ZNF521: variants seen among roughly 807,000 people sequenced by gnomAD.
The protein encoded by ZNF521 is LYST-interacting protein 3.
In ZNF521, 14 loss-of-function variants were observed where a neutral mutation model predicts 105.5. The ratio of observed to expected loss-of-function variants is 0.13; its 90% CI spans 0.09 to 0.21. The LOEUF (loss-of-function observed/expected upper bound fraction) is 0.21, where lower values mean the gene tolerates loss of function less well. Ranked by LOEUF, ZNF521 falls within the 10% of genes least tolerant of loss-of-function variation. The pLI is 1.00. For missense variants in ZNF521, 1,233 were observed against 1,629.7 expected (o/e 0.76, Z 4.19); for synonymous variants, 635 against 606.0 (o/e 1.05, Z -0.70).
chr18:25,269,418 C>T (rs928216762), intron 3 of ZNF521, among the ~76,000 whole-genome samples: 16 of 152,172 alleles, frequency 1.1e-4, no homozygotes, highest in African/African-American at 3.9e-4. Context: ...AGGTCTTGAA[C>T]TCAGCTCTAG....
At chr18:25,164,470 A>C (rs1046995563) in intron 5 of ZNF521, among the ~76,000 whole-genome samples, 2 of 152,232 alleles carry the variant, frequency 1.3e-5, no homozygotes, top group African/African-American at 4.8e-5. Flanking sequence ...CATATTTATC[A>C]TGCATTTTGA....
chr18:25,070,544 A>G (rs1238117738), intron 7 of ZNF521, among the ~76,000 whole-genome samples: 4 of 152,222 alleles, frequency 2.6e-5, no homozygotes, highest in Non-Finnish European at 5.9e-5. Flanking sequence ...GCCTGAAAAT[A>G]GATTTTAGAA....
At position 25,267,598 on chromosome 18, in the gene ZNF521, G is replaced by A. The variant is rs576431242; in HGVS notation, c.221-39901C>T. Among the ~76,000 whole-genome samples the A allele has an allele frequency of 7.9e-5, 12 of 152,302 alleles. No homozygotes were observed. The South Asian group carries it at 8.3e-4, about 11-fold the overall frequency. On this transcript the variant is annotated intron_variant, in intron 3 of 7. Transcript: ENST00000361524. ...GAGGAAGAAGCAGGCAGCAATCTTTGCTGTTCCGCAGCCTCTGCTGGTGAT... is the reference window on the plus strand; with the variant it reads ...GAGGAAGAAGCAGGCAGCAATCTTTACTGTTCCGCAGCCTCTGCTGGTGAT...
intron 2 of ZNF521, among the ~76,000 whole-genome samples, chr18:25,348,116 C>T (rs1914541232): frequency 6.6e-6 from 1 of 152,154 alleles, no homozygotes; most frequent in Non-Finnish European, 1.5e-5. Flanking sequence ...AGAAACACAA[C>T]AGGACTGCCT....
At chr18:25,211,416 G>A (rs1329730629) in intron 4 of ZNF521, among the ~76,000 whole-genome samples, 1 of 152,076 alleles carries the variant, frequency 6.6e-6, no homozygotes, top group African/African-American at 2.4e-5. Context: ...CTGGACTCCT[G>A]CACAGCCTCC....
intron 3 of ZNF521, chr18:25,302,775 C>T (rs1600279697): frequency 6.6e-6 from 1 of 152,172 alleles, no homozygotes; most frequent in East Asian, 1.9e-4. Context: ...ATTTGATGTG[C>T]TATTTGCTAA....
intron 5 of ZNF521, among the ~76,000 whole-genome samples, chr18:25,185,862 C>T (rs1308892448): frequency 6.6e-6 from 1 of 152,136 alleles, no homozygotes; most frequent in Non-Finnish European, 1.5e-5. Context: ...CCAAATTAAT[C>T]TGGATTAAAA....
chr18:25,218,683 CAAA>C (rs111983593), intron 4 of ZNF521, among the ~76,000 whole-genome samples: 1 of 105,038 alleles, frequency 9.5e-6, no homozygotes, highest in African/African-American at 3.2e-5. Context: ...CTAAAAATTA[CAAA>C]AAAAAAAAAA....
At chr18:25,213,414 ATC>A (rs1568012822) in intron 4 of ZNF521, among the ~76,000 whole-genome samples, 1 of 151,722 alleles carries the variant, frequency 6.6e-6, no homozygotes, top group African/African-American at 2.4e-5. Context: ...AATATAATTT[ATC>A]TCTTTTAATC....
chr18:25,201,592 A>C (rs2035993824), intron 4 of ZNF521: 1 of 152,194 alleles, frequency 6.6e-6, no homozygotes, highest in Non-Finnish European at 1.5e-5. Flanking sequence ...ATCAAAGCCA[A>C]AGTTACAGAG....
At chr18:25,351,544 G>GA (rs1249917909) in intron 1 of ZNF521, 1 of 150,940 alleles carries the variant, frequency 6.6e-6, no homozygotes, top group Non-Finnish European at 1.5e-5. Flanking sequence ...ACGAGGGGGG[G>GA]AAATCGACCC....
chr18:25,095,724 GA>G (rs2033838527), intron 5 of ZNF521, among the ~76,000 whole-genome samples: 1 of 152,126 alleles, frequency 6.6e-6, no homozygotes, highest in Non-Finnish European at 1.5e-5. Context: ...ATGAAGTCTA[GA>G]AAAACTCTAG....
At chr18:25,276,984 A>G (rs1325243539) in intron 3 of ZNF521, among the ~76,000 whole-genome samples, 1 of 152,174 alleles carries the variant, frequency 6.6e-6, no homozygotes, top group African/African-American at 2.4e-5. Flanking sequence ...GGAGTTCGAG[A>G]CCAGCCTGGC....
chr18:25,286,598 A>G (rs1286162762), intron 3 of ZNF521, among the ~76,000 whole-genome samples: 1 of 152,250 alleles, frequency 6.6e-6, no homozygotes, highest in Non-Finnish European at 1.5e-5. Context: ...AAGGTCATAC[A>G]ATAATCAGTC....
In ZNF521 at chr18:25,224,532, C is replaced by T; in HGVS notation, c.3386G>A (p.Gly1129Glu). 1 of 1,614,026 alleles carries T rather than the reference C, an allele frequency of 6.2e-7. No individual in the cohort carries two copies. Among genetic ancestry groups the T allele is most frequent in the Non-Finnish European group, 8.5e-7 (1 of 1,179,978 alleles). The change falls in exon 4 of 8, where the codon GGG becomes GAG. Residue 1129 changes from glycine (G) to glutamate (E), a missense_variant. Physicochemically the swap from Gly to Glu is moderately conservative, Grantham distance 98 (BLOSUM62 -2). Coordinates refer to ENST00000361524, the MANE Select transcript of ZNF521 (RefSeq NM_015461.3). ...GQNENLSAIE[G>E]KGKVGGLKTR... ...CTTCAGTCCCCCCACCTTGCCTTTC[C>T]CCTCAATGGCACTCAGATTCTCATT...
intron 3 of ZNF521, among the ~76,000 whole-genome samples, chr18:25,241,730 T>C (rs1479093316): frequency 6.6e-6 from 1 of 152,188 alleles, no homozygotes; most frequent in Non-Finnish European, 1.5e-5. Context: ...TAGTATCCTA[T>C]GGACAGATTC....
At chr18:25,262,410 G>C (rs1908972128) in intron 3 of ZNF521, among the ~76,000 whole-genome samples, 1 of 152,090 alleles carries the variant, frequency 6.6e-6, no homozygotes, top group Non-Finnish European at 1.5e-5. Context: ...TACACTACTT[G>C]AAGACAACAC....
intron 3 of ZNF521, among the ~76,000 whole-genome samples, chr18:25,306,409 C>G (rs1051600934): frequency 2.0e-5 from 3 of 152,044 alleles, no homozygotes; most frequent in Non-Finnish European, 4.4e-5. Context: ...GAAAGGTGGG[C>G]ATAACCAGTA....
chr18:25,202,614 C>A (rs948155829), intron 4 of ZNF521: 4 of 152,106 alleles, frequency 2.6e-5, no homozygotes, highest in African/African-American at 9.7e-5. Flanking sequence ...AGGACTATAG[C>A]AATATACATT....
Sources: allele counts gnomAD v4.1 joint callset (sites outside exome capture counted in the v4.1 genomes callset), GRCh38; gene constraint gnomAD v4.1.1; transcripts MANE v1.5; gene names NCBI Gene and HGNC (gene_info 2026-07-23, HGNC 2026-07-21).